Variants in CFAP299 observed in about 807,000 individuals in gnomAD.
CFAP299 encodes the protein cilia and flagella associated protein 299, also known as cilia- and flagella-associated protein 299.
Under a neutral mutation model 27.0 loss-of-function variants are expected in CFAP299, and 21 were observed. That is an observed-to-expected ratio of 0.78 (90% CI 0.55 to 1.12). The LOEUF (loss-of-function observed/expected upper bound fraction) is 1.12, where lower values mean the gene tolerates loss of function less well. Among genes scored for constraint, CFAP299 ranks in the 50% most tolerant of loss-of-function variants. The pLI is 0.00. For synonymous variants in CFAP299, 104 were observed against 98.1 expected (o/e 1.06, Z -0.36); for missense variants, 310 against 276.6 (o/e 1.12, Z -0.86).
At chr4:80,947,553 C>A (rs1737538572) in intron 5 of CFAP299, among the ~76,000 whole-genome samples, 1 of 151,966 alleles carries the variant, frequency 6.6e-6, no homozygotes, top group African/African-American at 2.4e-5. Flanking sequence ...TCTAGAGTTC[C>A]TTTAAAGTAC....
intron 3 of CFAP299, among the ~76,000 whole-genome samples, chr4:80,644,472 T>C (rs1739889649): frequency 6.6e-6 from 1 of 152,214 alleles, no homozygotes; most frequent in African/African-American, 2.4e-5. Context: ...TATTAGAACC[T>C]AGACCTAACA....
intron 1 of CFAP299, among the ~76,000 whole-genome samples, chr4:80,356,999 A>G (rs1723309969): frequency 1.3e-5 from 2 of 152,250 alleles, no homozygotes; most frequent in East Asian, 1.9e-4. Flanking sequence ...TATTGTTTCA[A>G]GGTATGTTCC....
At chr4:80,725,111 A>AT (rs70956062) in intron 3 of CFAP299, among the ~76,000 whole-genome samples, 1,471 of 88,492 alleles carry the variant, frequency 0.017, 41 homozygotes, top group Non-Finnish European at 0.02. Flanking sequence ...TGCCTGGCCA[A>AT]TTTTTTTTTT....
intron 3 of CFAP299, among the ~76,000 whole-genome samples, chr4:80,743,013 T>G (rs574533895): frequency 2.0e-5 from 3 of 152,266 alleles, no homozygotes; most frequent in South Asian, 4.1e-4. Context: ...TGCAAAAAAA[T>G]TTCTCCTAGA....
intron 3 of CFAP299, among the ~76,000 whole-genome samples, chr4:80,800,333 T>G (rs1578138228): frequency 1.4e-5 from 1 of 70,424 alleles, no homozygotes; most frequent in African/African-American, 6.4e-5. Flanking sequence ...TTAATATTAA[T>G]ATATATAATA....
chr4:80,442,435 A>G (rs1474587772), intron 2 of CFAP299, among the ~76,000 whole-genome samples: 1 of 152,242 alleles, frequency 6.6e-6, no homozygotes, highest in Non-Finnish European at 1.5e-5. Flanking sequence ...TGGAAACTGA[A>G]CAACCTACTC....
chr4:80,680,006 A>G (rs945584726), intron 3 of CFAP299, among the ~76,000 whole-genome samples: 3 of 151,978 alleles, frequency 2.0e-5, no homozygotes, highest in Non-Finnish European at 4.4e-5. Flanking sequence ...TTTAGTCCTT[A>G]TCCGTTCTGT....
chr4:80,524,375 A>G (rs557338549), intron 2 of CFAP299, among the ~76,000 whole-genome samples: 1 of 152,094 alleles, frequency 6.6e-6, no homozygotes, highest in Admixed American at 6.6e-5. Context: ...GTTTGTTTCT[A>G]GAGGGAAGCA....
At chr4:80,889,538 C>G (rs1345493398) in intron 4 of CFAP299, among the ~76,000 whole-genome samples, 1 of 151,812 alleles carries the variant, frequency 6.6e-6, no homozygotes, top group Non-Finnish European at 1.5e-5. Context: ...TGAATTTTAC[C>G]AGAAATTTAA....
intron 2 of CFAP299, among the ~76,000 whole-genome samples, chr4:80,578,941 C>G (rs1736022002): frequency 6.6e-6 from 1 of 152,148 alleles, no homozygotes; most frequent in African/African-American, 2.4e-5. Context: ...CCAATTTGAT[C>G]ACCAAGCCAA....
chr4:80,364,155 C>T (rs567876927), intron 2 of CFAP299, among the ~76,000 whole-genome samples: 8 of 135,748 alleles, frequency 5.9e-5, no homozygotes, highest in East Asian at 4.4e-4. Flanking sequence ...CAGTGTGGCT[C>T]GGCCAAGCCC....
intron 2 of CFAP299, among the ~76,000 whole-genome samples, chr4:80,542,970 T>G (rs972090706): frequency 4.6e-5 from 7 of 152,070 alleles, no homozygotes; most frequent in African/African-American, 1.4e-4. Flanking sequence ...AGAGTGCTGT[T>G]GCCAGTGGCC....
intron 3 of CFAP299, among the ~76,000 whole-genome samples, chr4:80,649,493 C>G (rs1448208691): frequency 6.6e-6 from 1 of 152,180 alleles, no homozygotes; most frequent in African/African-American, 2.4e-5. Flanking sequence ...CAAAATAACT[C>G]ATGAACTTAA....
intron 2 of CFAP299, among the ~76,000 whole-genome samples, chr4:80,498,624 A>C (rs1346498844): frequency 3.3e-5 from 5 of 152,168 alleles, no homozygotes; most frequent in Admixed American, 3.3e-4. Context: ...GAGAACAGGG[A>C]ACATTTACAT....
chr4:80,585,223 T>C (rs1359174387), intron 3 of CFAP299, among the ~76,000 whole-genome samples: 2 of 151,712 alleles, frequency 1.3e-5, no homozygotes, highest in Non-Finnish European at 2.9e-5. Context: ...TCTTTGGAGA[T>C]AGATAGATGG....
At chr4:80,773,403 T>C (rs1726336453) in intron 3 of CFAP299, among the ~76,000 whole-genome samples, 1 of 152,130 alleles carries the variant, frequency 6.6e-6, no homozygotes, top group African/African-American at 2.4e-5. Flanking sequence ...CTAGTCCTAT[T>C]AGCCTATCCT....
At chr4:80,557,143 C>T (rs1338142492) in intron 2 of CFAP299, among the ~76,000 whole-genome samples, 2 of 152,034 alleles carry the variant, frequency 1.3e-5, no homozygotes, top group African/African-American at 4.8e-5. Context: ...CAGATACTGG[C>T]CTTGCATCAG....
At chr4:80,397,702 T>C (rs1271956199) in intron 2 of CFAP299, among the ~76,000 whole-genome samples, 1 of 152,160 alleles carries the variant, frequency 6.6e-6, no homozygotes, top group African/African-American at 2.4e-5. Flanking sequence ...TAATAAGAGC[T>C]ATTTATGACA....
chr4:80,796,304 T>C (rs1163230628), intron 3 of CFAP299, among the ~76,000 whole-genome samples: 1 of 152,178 alleles, frequency 6.6e-6, no homozygotes, highest in Non-Finnish European at 1.5e-5. Flanking sequence ...TTAGTTGGAT[T>C]TATTTCCCAT....
Sources: gnomAD v4.1 joint callset for allele counts (sites outside exome capture counted in the v4.1 genomes callset) on GRCh38, gnomAD v4.1.1 for gene constraint, MANE v1.5 for transcripts, NCBI Gene and HGNC (gene_info 2026-07-23, HGNC 2026-07-21) for gene names.